Variants in MARCHF11 observed in about 807,000 individuals in gnomAD.
MARCHF11 encodes the protein membrane associated ring-CH-type finger 11.
In MARCHF11, 29 loss-of-function variants were observed where a neutral mutation model predicts 37.3. The observed-to-expected ratio is 0.78, with a 90% CI of 0.58 to 1.06. MARCHF11 has a LOEUF of 1.06. Ranked by LOEUF, MARCHF11 falls within the 50% of genes least tolerant of loss-of-function variation. The pLI is 0.00. For synonymous variants in MARCHF11, 233 were observed against 228.0 expected (o/e 1.02, Z -0.20); for missense variants, 482 against 533.4 (o/e 0.90, Z 0.95).
Position 16,127,352 on chromosome 5 carries a change from G to T in MARCHF11, c.694-36271C>A, listed in dbSNP as rs762084203. ...GGGCAGGCCATAAAAAACATCTTAT[G>T]TGATCCTCTCCCTCGTGGTGACCTT... On this transcript the variant is annotated intron_variant, in intron 2 of 3. Coordinates refer to ENST00000332432, the MANE Select transcript of MARCHF11 (RefSeq NM_001102562.3). Among the ~76,000 whole-genome samples the T allele has an allele frequency of 4.2e-4, 64 of 152,162 alleles. 1 individual carries two copies. Among genetic ancestry groups the T allele is most frequent in the Admixed American group, 3.2e-3 (49 of 15,262 alleles).
intron 1 of MARCHF11, 36 bp downstream of exon 1, chr5:16,179,003 C>G (rs1335090015): frequency 1.4e-6 from 2 of 1,395,716 alleles, no homozygotes; most frequent in East Asian, 6.1e-5. Context: ...GAGCTGGAGC[C>G]GCCACCGGCT....
At chr5:16,122,005 C>A (rs1388677275) in intron 2 of MARCHF11, among the ~76,000 whole-genome samples, 1 of 152,126 alleles carries the variant, frequency 6.6e-6, no homozygotes, top group Non-Finnish European at 1.5e-5. Context: ...CTTTTTAATT[C>A]TCCTAGAAAC....
intron 2 of MARCHF11, among the ~76,000 whole-genome samples, chr5:16,134,977 T>TTCTCTCTCTCTCTCTCTCTCTCTC (rs146251875): frequency 2.0e-4 from 28 of 143,064 alleles, no homozygotes; most frequent in African/African-American, 6.9e-4. Flanking sequence ...TATGAGTGAT[T>TTCTCTCTCTCTCTCTCTCTCTCTC]TCTCTCTCTC....
intron 2 of MARCHF11, among the ~76,000 whole-genome samples, chr5:16,132,074 G>A (rs112849461): frequency 0.011 from 1,750 of 152,350 alleles, 24 homozygotes; most frequent in African/African-American, 0.019. Context: ...CAAGGGCTCA[G>A]AGCATCTACC....
Position 16,179,654 on chromosome 5 carries a change from G to C in MARCHF11, c.-79C>G. ...TGCAGGGAAAGAGAGCGCGGAGGGGGCGGGAGGGAGAGGGGAAAAGGAGGG... is the reference window on the plus strand; with the variant it reads ...TGCAGGGAAAGAGAGCGCGGAGGGGCCGGGAGGGAGAGGGGAAAAGGAGGG... On this transcript the variant is annotated 5_prime_UTR_variant, in exon 1 of 4. Transcript: ENST00000332432. 1 of 1,048,116 alleles carries C rather than the reference G, an allele frequency of 9.5e-7. No homozygotes were observed. The highest frequency in any genetic ancestry group is 1.2e-6 in the Non-Finnish European group (1 of 856,278). 64.9% of individuals were successfully genotyped at this position (1,048,116 alleles called of 1,614,324 possible).
chr5:16,070,337 C>G (rs1229945377), intron 3 of MARCHF11, among the ~76,000 whole-genome samples: 1 of 152,182 alleles, frequency 6.6e-6, no homozygotes, highest in Admixed American at 6.5e-5. Flanking sequence ...AATTCATCAA[C>G]TATGAAGCCC....
intron 3 of MARCHF11, among the ~76,000 whole-genome samples, chr5:16,070,286 C>T (rs1471982877): frequency 6.6e-6 from 1 of 152,084 alleles, no homozygotes; most frequent in Non-Finnish European, 1.5e-5. Flanking sequence ...ATCAGAACAC[C>T]TAATCTTTAC....
chr5:16,144,964 G>A (rs941147850), intron 2 of MARCHF11, among the ~76,000 whole-genome samples: 6 of 152,116 alleles, frequency 3.9e-5, no homozygotes, highest in African/African-American at 1.2e-4. Flanking sequence ...TGGAGTTTGT[G>A]GGAAAATCAT....
At chr5:16,101,385 A>T (rs536723591) in intron 2 of MARCHF11, among the ~76,000 whole-genome samples, 1 of 152,280 alleles carries the variant, frequency 6.6e-6, no homozygotes, top group African/African-American at 2.4e-5. Flanking sequence ...CAAAAAAAAA[A>T]TGCATTTTAG....
At chr5:16,162,050 G>A (rs1052521589) in intron 2 of MARCHF11, among the ~76,000 whole-genome samples, 5 of 151,886 alleles carry the variant, frequency 3.3e-5, no homozygotes, top group African/African-American at 1.2e-4. Context: ...CCAGGTAGAC[G>A]CAATTTATCA....
At chr5:16,171,026 T>C (rs1221169303) in intron 2 of MARCHF11, among the ~76,000 whole-genome samples, 4 of 152,178 alleles carry the variant, frequency 2.6e-5, no homozygotes, top group African/African-American at 7.2e-5. Context: ...TTGAATCTGA[T>C]ACGACCAAGA....
At chr5:16,131,682 G>A (rs1054181148) in intron 2 of MARCHF11, among the ~76,000 whole-genome samples, 17 of 152,264 alleles carry the variant, frequency 1.1e-4, no homozygotes, top group African/African-American at 3.6e-4. Flanking sequence ...ATACAATGAC[G>A]AAGTTGAACT....
chr5:16,067,861 A>G (rs2126540919), intron 3 of MARCHF11, 68 bp from the exon 4 acceptor site: 1 of 1,383,736 alleles, frequency 7.2e-7, no homozygotes, highest in East Asian at 2.4e-5. Context: ...GTTATTTTGT[A>G]TACAAGTAAG....
intron 3 of MARCHF11, among the ~76,000 whole-genome samples, chr5:16,070,276 A>G (rs1254685520): frequency 6.6e-6 from 1 of 152,242 alleles, no homozygotes; most frequent in African/African-American, 2.4e-5. Flanking sequence ...TTAAAATGAA[A>G]TCAGAACACC....
chr5:16,142,092 T>C (rs1737716462), intron 2 of MARCHF11, among the ~76,000 whole-genome samples: 1 of 152,220 alleles, frequency 6.6e-6, no homozygotes, highest in Non-Finnish European at 1.5e-5. Context: ...GATTCTATCT[T>C]AGTCACACAA....
At chr5:16,134,380 A>G (rs1261177815) in intron 2 of MARCHF11, among the ~76,000 whole-genome samples, 2 of 152,216 alleles carry the variant, frequency 1.3e-5, no homozygotes, top group South Asian at 2.1e-4. Context: ...TGCAAGTCTG[A>G]TCTCTTATTG....
intron 2 of MARCHF11, among the ~76,000 whole-genome samples, chr5:16,172,294 C>A (rs984387141): frequency 6.6e-6 from 1 of 152,086 alleles, no homozygotes; most frequent in African/African-American, 2.4e-5. Context: ...GCAAATGAAA[C>A]AAAATTAACT....
At chr5:16,154,286 A>G (rs139082499) in intron 2 of MARCHF11, among the ~76,000 whole-genome samples, 78 of 152,066 alleles carry the variant, frequency 5.1e-4, no homozygotes, top group Non-Finnish European at 9.1e-4. Context: ...ATACTGGACA[A>G]TCCAATTAAA....
chr5:16,144,472 C>G (rs1737769858), intron 2 of MARCHF11, among the ~76,000 whole-genome samples: 1 of 152,164 alleles, frequency 6.6e-6, no homozygotes, highest in African/African-American at 2.4e-5. Context: ...TCTCCCTTTT[C>G]TTTAATCTCC....
Sources: gnomAD v4.1 joint callset for allele counts (sites outside exome capture counted in the v4.1 genomes callset) on GRCh38, gnomAD v4.1.1 for gene constraint, MANE v1.5 for transcripts, NCBI Gene and HGNC (gene_info 2026-07-23, HGNC 2026-07-21) for gene names.